DNAH9: variants seen among roughly 807,000 people sequenced by gnomAD.
DNAH9 encodes DNAH9 variant protein.
A neutral mutation model predicts 471.6 loss-of-function variants in DNAH9; 345 were observed. The ratio of observed to expected loss-of-function variants is 0.73; its 90% CI spans 0.67 to 0.80. The LOEUF (loss-of-function observed/expected upper bound fraction) is 0.80, where lower values mean the gene tolerates loss of function less well. DNAH9 is among the 30% of genes least tolerant of loss of function. The pLI is 0.00. For missense variants in DNAH9, 5,407 were observed against 5,609.2 expected, an observed-to-expected ratio of 0.96 and a Z score of 1.15; for synonymous variants, 2,093 against 2,123.6, an observed-to-expected ratio of 0.99 and a Z score of 0.40.
chr17:11,933,807 A>T (rs960770704), intron 64 of DNAH9, 73 bp from the exon 65 acceptor site: 2 of 1,412,274 alleles, frequency 1.4e-6, no homozygotes, highest in African/African-American at 2.9e-5. Flanking sequence ...TGTGCTGCCC[A>T]GATGGGAGGC....
intron 45 of DNAH9, among the ~76,000 whole-genome samples, chr17:11,816,141 G>A (rs73975515): frequency 0.013 from 2,032 of 152,214 alleles, 55 homozygotes; most frequent in African/African-American, 0.046. Context: ...TACAGCACTC[G>A]ATAGCTGCAC....
chr17:11,900,095 C>T (rs1480745705), intron 59 of DNAH9, among the ~76,000 whole-genome samples: 1 of 69,708 alleles, frequency 1.4e-5, no homozygotes, highest in Non-Finnish European at 4.9e-5. Context: ...CCTCATTTTC[C>T]AAATGAAAAA....
At chr17:11,915,618 C>A (rs920873175) in intron 61 of DNAH9, among the ~76,000 whole-genome samples, 1 of 152,168 alleles carries the variant, frequency 6.6e-6, no homozygotes, top group Non-Finnish European at 1.5e-5. Flanking sequence ...ACCTGTGTGG[C>A]CTGCATGGCA....
At chr17:11,834,370 GA>G (rs142959994) in intron 48 of DNAH9, among the ~76,000 whole-genome samples, 1 of 136,612 alleles carries the variant, frequency 7.3e-6, no homozygotes, top group Non-Finnish European at 1.6e-5. Flanking sequence ...AAATAAAAAA[GA>G]AAGGTCAGGG....
intron 38 of DNAH9, among the ~76,000 whole-genome samples, chr17:11,772,409 C>G (rs1968245293): frequency 2.0e-5 from 3 of 152,154 alleles, no homozygotes; most frequent in African/African-American, 7.2e-5. Flanking sequence ...CATTCTCACT[C>G]TGGATCTCTC....
chr17:11,872,935 A>T (rs972342205), intron 52 of DNAH9, among the ~76,000 whole-genome samples: 1 of 152,204 alleles, frequency 6.6e-6, no homozygotes, highest in Non-Finnish European at 1.5e-5. Flanking sequence ...ACAAACAAAC[A>T]AAAACAGTCA....
At chr17:11,806,722 C>T (rs1969700131) in intron 43 of DNAH9, among the ~76,000 whole-genome samples, 1 of 151,986 alleles carries the variant, frequency 6.6e-6, no homozygotes, top group Non-Finnish European at 1.5e-5. Flanking sequence ...TCTAGAAGGG[C>T]CTATAATTCA....
chr17:11,828,571 G>GTAT (rs1970583278), intron 48 of DNAH9, among the ~76,000 whole-genome samples: 1 of 151,576 alleles, frequency 6.6e-6, no homozygotes, highest in African/African-American at 2.4e-5. Flanking sequence ...TTCCCAGACT[G>GTAT]TATGCTGGTA....
chr17:11,651,435 A>C, intron 13 of DNAH9, 111 bp downstream of exon 13: 1 of 1,152,618 alleles, frequency 8.7e-7, no homozygotes, highest in South Asian at 1.6e-5. Flanking sequence ...TTGAAACATA[A>C]GTCTGTCTTC....
At chr17:11,717,476 CAGA>C (rs2074983596) in intron 26 of DNAH9, among the ~76,000 whole-genome samples, 1 of 151,978 alleles carries the variant, frequency 6.6e-6, no homozygotes, top group Non-Finnish European at 1.5e-5. Context: ...TTCAGAGTCT[CAGA>C]GTCTCTGGTC....
chr17:11,668,686 A>C (rs1053328422), intron 15 of DNAH9, among the ~76,000 whole-genome samples: 2 of 144,106 alleles, frequency 1.4e-5, no homozygotes, highest in Admixed American at 7.0e-5. Context: ...AAAAAAAAAA[A>C]CAATCAATCT....
chr17:11,791,654 C>T (rs563481493), intron 41 of DNAH9, among the ~76,000 whole-genome samples: 5 of 151,750 alleles, frequency 3.3e-5, no homozygotes, highest in Non-Finnish European at 7.4e-5. Flanking sequence ...GAGGCTGCCG[C>T]GAGCCGAGAT....
At chr17:11,660,114 T>G (rs1371544769) in intron 14 of DNAH9, among the ~76,000 whole-genome samples, 1 of 152,088 alleles carries the variant, frequency 6.6e-6, no homozygotes, top group African/African-American at 2.4e-5. Flanking sequence ...TTAATTTATG[T>G]TTTTTAGTAT....
intron 43 of DNAH9, among the ~76,000 whole-genome samples, chr17:11,800,694 T>C (rs1335283803): frequency 6.6e-6 from 1 of 152,168 alleles, no homozygotes; most frequent in Non-Finnish European, 1.5e-5. Context: ...CACGTCTTGC[T>C]GAAGTCAGTT....
intron 59 of DNAH9, among the ~76,000 whole-genome samples, chr17:11,898,136 T>TC (rs1458374822): frequency 3.3e-5 from 5 of 151,466 alleles, no homozygotes; most frequent in Admixed American, 6.6e-5. Flanking sequence ...CCTTTTCTTT[T>TC]TTTTTTTGAG....
At position 11,679,915 on chromosome 17, in the gene DNAH9, A is replaced by G. The variant is rs146103027; in HGVS notation, c.3512A>G (p.Gln1171Arg). Residue 1171 changes from glutamine to arginine, a missense_variant, in exon 18 of 69, where the codon CAG becomes CGG. Coordinates refer to ENST00000262442, the MANE Select transcript of DNAH9 (RefSeq NM_001372.4). ...GATGAGATGTTTGAGCCCTTAAAGC[A>G]GACTATTGAATTGCTGAAGACCTAT... The part of the protein sequence containing the change: ...NTDEMFEPLK[Q>R]TIELLKTYEQ... The G allele has an allele frequency of 4.3e-6, 7 of 1,614,090 alleles. No individual in the cohort carries two copies. In the African/African-American group the frequency reaches 9.3e-5, roughly 22 times the overall value.
intron 31 of DNAH9, among the ~76,000 whole-genome samples, chr17:11,746,878 T>C (rs992559700): frequency 6.6e-6 from 1 of 152,124 alleles, no homozygotes; most frequent in Admixed American, 6.5e-5. Context: ...TTTGAGTAAG[T>C]TACTTGAGGA....
In DNAH9 at chr17:11,608,271, C is replaced by G; in HGVS notation, c.560C>G (p.Pro187Arg). ...CAAGTGAAGGGAAAAACTTTGCTGC[C>G]TCTTCCAGCAGGCTCAGAAAAAATG... is the stretch of plus-strand genomic sequence containing the variant. Reference protein sequence around the residue: ...LEQVKGKTLLPLPAGSEKMEF... With the variant: ...LEQVKGKTLLRLPAGSEKMEF... Residue 187 changes from proline to arginine, a missense_variant, in exon 2 of 69, where the codon CCT (proline) becomes CGT (arginine). Transcript: ENST00000262442. 6.2e-7 allele frequency: 1 copy of G among 1,613,718 alleles called. No homozygotes were observed. The highest frequency in any genetic ancestry group is 1.1e-5 in the South Asian group (1 of 91,056).
Position 11,793,566 on chromosome 17 carries a change from C to G in DNAH9, c.8125C>G (p.His2709Asp), listed in dbSNP as rs1320123785. The change falls in exon 42 of 69, where the codon CAT becomes GAT. Residue 2709 changes from histidine (H) to aspartate (D), a missense_variant. Transcript: ENST00000262442. The part of the protein sequence containing the change: ...STWDLIRLYL[H>D]ESNRVYRDKM... The stretch of plus-strand genomic sequence containing the variant: ...ATGGGATCTTATAAGGCTCTATCTG[C>G]ATGAATCAAATCGAGTTTATCGGGA... 1 of 1,613,744 alleles carries G rather than the reference C, an allele frequency of 6.2e-7. No homozygotes were observed.
Sources: gnomAD v4.1 joint callset for allele counts (sites outside exome capture counted in the v4.1 genomes callset) on GRCh38, gnomAD v4.1.1 for gene constraint, MANE v1.5 for transcripts, NCBI Gene and HGNC (gene_info 2026-07-23, HGNC 2026-07-21) for gene names.